The following C7 variants were observed in gnomAD, a reference collection of about 807,000 sequenced individuals.
C7 encodes the protein complement component C7.
Under a neutral mutation model 104.8 loss-of-function variants are expected in C7, and 83 were observed. The observed-to-expected ratio is 0.79, with a 90% CI of 0.66 to 0.95. C7 has a LOEUF of 0.95. C7 is among the 40% of genes least tolerant of loss of function. C7 has a pLI of 0.00. For missense variants in C7, 1,070 were observed against 1,011.2 expected (o/e 1.06, Z -0.79); for synonymous variants, 415 against 360.6 (o/e 1.15, Z -1.71).
chr5:40,964,882 C>A lies in C7; in HGVS notation c.1882+9C>A, dbSNP rs749663981. The A allele has an allele frequency of 6.2e-7, 1 of 1,613,006 alleles. No homozygotes were observed. The highest frequency in any genetic ancestry group is 1.1e-5 in the South Asian group (1 of 90,904). On this transcript the variant is annotated intron_variant, in intron 14 of 17. Transcript: ENST00000313164. ...GGAAATGCATTGTCAGAGTGAGTGG[C>A]GTCAGTTGTATATAATTTAAGATGA...
chr5:40,936,717 GC>G (rs1739825600), intron 5 of C7, among the ~76,000 whole-genome samples: 1 of 152,044 alleles, frequency 6.6e-6, no homozygotes, highest in African/African-American at 2.4e-5. Flanking sequence ...TAGTTTTAGC[GC>G]TGAAATTCTA....
rs1167118868 is a variant in C7 at position 40,972,010 on chromosome 5, G to A, written c.1883-393G>A. The A allele has an allele frequency of 1.1e-5, 5 of 450,072 alleles. No homozygotes were observed. The East Asian group carries it at 2.8e-4, about 25-fold the overall frequency. 27.9% of individuals were successfully genotyped at this position (450,072 alleles called of 1,614,324 possible). A position where few individuals can be genotyped will look rare whatever the true frequency, so the allele number is the denominator to read the frequency against. ...AAGTGGTGTTTTAATAATTTCAGACGGCAAAATATCCAACTGGATGAAAGT... is the reference window on the plus strand; with the variant it reads ...AAGTGGTGTTTTAATAATTTCAGACAGCAAAATATCCAACTGGATGAAAGT... On this transcript the variant is annotated intron_variant, in intron 14 of 17. Coordinates refer to ENST00000313164, the MANE Select transcript of C7 (RefSeq NM_000587.4).
At chr5:40,945,460 T>C (rs2111623894) in intron 7 of C7, 92 bp downstream of exon 7, 1 of 838,682 alleles carries the variant, frequency 1.2e-6, no homozygotes, top group East Asian at 2.8e-5. Flanking sequence ...AGGATCAGCT[T>C]TCATATTAAA....
chr5:40,971,756 T>C (rs1337171331), intron 14 of C7, among the ~76,000 whole-genome samples: 4 of 152,178 alleles, frequency 2.6e-5, no homozygotes, highest in Non-Finnish European at 5.9e-5. Flanking sequence ...CTTGAGTTAA[T>C]TTTTGTATAA....
chr5:40,955,326 T>TTGA, intron 9 of C7, 61 bp from the exon 10 acceptor site: 1 of 1,506,896 alleles, frequency 6.6e-7, no homozygotes, highest in Non-Finnish European at 9.0e-7. Flanking sequence ...GTCATACAAT[T>TTGA]TGATAGTTTT....
chr5:40,945,166 A>T (rs116644530), intron 6 of C7, 32 bp from the exon 7 acceptor site: 3 of 1,182,942 alleles, frequency 2.5e-6, no homozygotes, highest in African/African-American at 3.2e-5. Flanking sequence ...GCATTAATTT[A>T]GTCATAGCAA....
rs529226174 is a variant in C7 at position 40,970,316 on chromosome 5, A to C, written c.1883-2087A>C. ...GAATATTGTCCAAAGTCCATTAGGG[A>C]TATTAGCAAGATTTTTTTTTTAATC... On this transcript the variant is annotated intron_variant, in intron 14 of 17. Coordinates refer to ENST00000313164, the MANE Select transcript of C7 (RefSeq NM_000587.4). Among the ~76,000 whole-genome samples the C allele has an allele frequency of 9.2e-5, 14 of 152,274 alleles. No individual in the cohort carries two copies. In the South Asian group the frequency reaches 2.9e-3, roughly 32 times the overall value.
intron 10 of C7, 107 bp from the exon 11 acceptor site, chr5:40,957,926 C>A (rs1740329606): frequency 1.5e-6 from 1 of 652,364 alleles, no homozygotes; most frequent in Admixed American, 3.1e-5. Flanking sequence ...AACAAACTTG[C>A]CCGTGGCTTT....
chr5:40,917,250 C>A (rs191814996), intron 1 of C7, among the ~76,000 whole-genome samples: 202 of 152,206 alleles, frequency 1.3e-3, no homozygotes, highest in Non-Finnish European at 2.2e-3. Context: ...TAACCTTTGA[C>A]CAACATCTCT....
chr5:40,971,012 T>TATA, intron 14 of C7, among the ~76,000 whole-genome samples: 1 of 152,210 alleles, frequency 6.6e-6, no homozygotes, highest in South Asian at 2.1e-4. Flanking sequence ...TGGTTCCAAG[T>TATA]CTTTGCTATT....
chr5:40,941,365 G>A (rs576089835), intron 6 of C7, among the ~76,000 whole-genome samples: 5 of 152,192 alleles, frequency 3.3e-5, no homozygotes, highest in South Asian at 2.1e-4. Flanking sequence ...ACCCTGGCCC[G>A]AGGAGCACTT....
intron 1 of C7, among the ~76,000 whole-genome samples, chr5:40,925,194 T>G (rs954168763): frequency 6.6e-6 from 1 of 152,090 alleles, no homozygotes; most frequent in Non-Finnish European, 1.5e-5. Flanking sequence ...TGTAGGCTGT[T>G]AGAAGCAGCC....
chr5:40,967,152 G>A (rs969972571), intron 14 of C7, among the ~76,000 whole-genome samples: 2 of 149,624 alleles, frequency 1.3e-5, no homozygotes, highest in African/African-American at 2.5e-5. Context: ...TGCAACCTCC[G>A]CCTCCTGGGT....
chr5:40,951,494 A>C (rs1186987960), intron 9 of C7, among the ~76,000 whole-genome samples: 1 of 152,140 alleles, frequency 6.6e-6, no homozygotes, highest in Non-Finnish European at 1.5e-5. Context: ...TCAAGGGTTG[A>C]AAAACTAACT....
intron 12 of C7, 86 bp downstream of exon 12, chr5:40,959,706 A>G: frequency 9.3e-7 from 1 of 1,073,468 alleles, no homozygotes; most frequent in Non-Finnish European, 1.3e-6. Flanking sequence ...TGCTGTCGAG[A>G]GATTTAGAAG....
At chr5:40,928,316 G>T (rs561716081) in intron 1 of C7, among the ~76,000 whole-genome samples, 1 of 152,234 alleles carries the variant, frequency 6.6e-6, no homozygotes, top group East Asian at 1.9e-4. Flanking sequence ...GAATTCTATT[G>T]TACAGCGTGG....
At chr5:40,926,948 T>C (rs1579842541) in intron 1 of C7, among the ~76,000 whole-genome samples, 2 of 152,256 alleles carry the variant, frequency 1.3e-5, no homozygotes, top group African/African-American at 4.8e-5. Context: ...AAGGCAATCA[T>C]GGGCAAAAAG....
intron 9 of C7, among the ~76,000 whole-genome samples, chr5:40,954,276 C>A (rs991299810): frequency 6.6e-6 from 1 of 151,792 alleles, no homozygotes; most frequent in Admixed American, 6.6e-5. Flanking sequence ...TAATAAATAC[C>A]CATATACCCA....
intron 14 of C7, among the ~76,000 whole-genome samples, chr5:40,965,762 C>G (rs1454487162): frequency 1.3e-5 from 2 of 151,510 alleles, no homozygotes; most frequent in Non-Finnish European, 2.9e-5. Context: ...GTGCCTCAGC[C>G]TCTTGAATAG....
Sources: gnomAD v4.1 joint callset for allele counts (sites outside exome capture counted in the v4.1 genomes callset) on GRCh38, gnomAD v4.1.1 for gene constraint, MANE v1.5 for transcripts, NCBI Gene and HGNC (gene_info 2026-07-23, HGNC 2026-07-21) for gene names.